Variants in ST6GALNAC5 observed in about 807,000 individuals in gnomAD.
The protein encoded by ST6GALNAC5 is alpha-N-acetylgalactosaminide alpha-2,6-sialyltransferase 5.
A neutral mutation model predicts 33.6 loss-of-function variants in ST6GALNAC5; 27 were observed. The ratio of observed to expected loss-of-function variants is 0.80; its 90% CI spans 0.59 to 1.11. The LOEUF is 1.11. Among genes scored for constraint, ST6GALNAC5 ranks in the 50% least tolerant of loss-of-function variants. The pLI is 0.00. For missense variants in ST6GALNAC5, 428 were observed against 454.0 expected, an observed-to-expected ratio of 0.94 and a Z score of 0.52; for synonymous variants, 194 against 171.2, an observed-to-expected ratio of 1.13 and a Z score of -1.04.
chr1:76,906,779 A>G (rs1019701111), intron 2 of ST6GALNAC5, among the ~76,000 whole-genome samples: 1 of 152,168 alleles, frequency 6.6e-6, no homozygotes, highest in Non-Finnish European at 1.5e-5. Context: ...CCTCCTGCAT[A>G]TCCAACTACT....
At chr1:77,059,486 C>T (rs1461564253) in intron 4 of ST6GALNAC5, among the ~76,000 whole-genome samples, 1 of 152,038 alleles carries the variant, frequency 6.6e-6, no homozygotes, top group Non-Finnish European at 1.5e-5. Context: ...AGAAGGATAC[C>T]ACAGAAGCCA....
chr1:76,928,882 A>G (rs1259727913), intron 2 of ST6GALNAC5, among the ~76,000 whole-genome samples: 1 of 152,084 alleles, frequency 6.6e-6, no homozygotes, highest in Non-Finnish European at 1.5e-5. Flanking sequence ...TGTCATCTGC[A>G]TTTCCTCCAG....
chr1:76,986,940 T>C (rs1474126617), intron 2 of ST6GALNAC5, among the ~76,000 whole-genome samples: 3 of 152,116 alleles, frequency 2.0e-5, no homozygotes, highest in Admixed American at 2.0e-4. Flanking sequence ...CACCACATGT[T>C]CTCACTCATA....
At chr1:76,908,126 C>T (rs534237901) in intron 2 of ST6GALNAC5, among the ~76,000 whole-genome samples, 49 of 152,216 alleles carry the variant, frequency 3.2e-4, no homozygotes, top group Non-Finnish European at 5.4e-4. Flanking sequence ...AAATTTCTCT[C>T]AGGTTCTTAT....
chr1:77,026,835 A>ATGAG (rs1651258229), intron 2 of ST6GALNAC5, among the ~76,000 whole-genome samples: 2 of 147,810 alleles, frequency 1.4e-5, no homozygotes, highest in African/African-American at 5.2e-5. Flanking sequence ...GAATGAATGA[A>ATGAG]TGAAAATGTG....
chr1:76,924,566 A>T (rs537694761), intron 2 of ST6GALNAC5, among the ~76,000 whole-genome samples: 5 of 152,286 alleles, frequency 3.3e-5, no homozygotes, highest in Admixed American at 6.5e-5. Context: ...CCTTTTCTCT[A>T]CAATGACAAC....
At chr1:76,876,171 A>C (rs1189177836) in intron 2 of ST6GALNAC5, among the ~76,000 whole-genome samples, 1 of 152,238 alleles carries the variant, frequency 6.6e-6, no homozygotes, top group Admixed American at 6.5e-5. Context: ...GAAGAGGTCC[A>C]ATATAATCAA....
At chr1:76,956,888 T>C (rs1009786967) in intron 2 of ST6GALNAC5, among the ~76,000 whole-genome samples, 1 of 152,186 alleles carries the variant, frequency 6.6e-6, no homozygotes, top group Non-Finnish European at 1.5e-5. Context: ...GTGAGGTCAC[T>C]GAGGGTCCGA....
chr1:76,975,625 T>C (rs1157627866), intron 2 of ST6GALNAC5, among the ~76,000 whole-genome samples: 1 of 152,220 alleles, frequency 6.6e-6, no homozygotes, highest in Non-Finnish European at 1.5e-5. Flanking sequence ...ATAAATCTTA[T>C]AACTTTGCAT....
intron 2 of ST6GALNAC5, among the ~76,000 whole-genome samples, chr1:76,932,945 T>C (rs974999271): frequency 6.6e-6 from 1 of 152,148 alleles, no homozygotes; most frequent in Non-Finnish European, 1.5e-5. Context: ...TTCTTCTTCC[T>C]GTTGGAAATA....
At chr1:77,014,713 C>T (rs929396001) in intron 2 of ST6GALNAC5, among the ~76,000 whole-genome samples, 3 of 152,126 alleles carry the variant, frequency 2.0e-5, no homozygotes, top group African/African-American at 7.2e-5. Context: ...TCTCCCAAGC[C>T]AACTGGCCTT....
At chr1:76,969,336 T>C (rs1450030257) in intron 2 of ST6GALNAC5, among the ~76,000 whole-genome samples, 5 of 152,302 alleles carry the variant, frequency 3.3e-5, no homozygotes, top group Non-Finnish European at 7.4e-5. Context: ...ATACTGTGCT[T>C]TTCCAATGGT....
intron 3 of ST6GALNAC5, among the ~76,000 whole-genome samples, chr1:77,044,844 T>C (rs976931344): frequency 6.6e-6 from 1 of 152,200 alleles, no homozygotes; most frequent in Non-Finnish European, 1.5e-5. Flanking sequence ...CAGGGCCTTA[T>C]TTTTGAGGAA....
In ST6GALNAC5 at chr1:76,868,401, C is replaced by T; in HGVS notation, c.16-96C>T. On this transcript the variant is annotated intron_variant, in intron 1 of 4. Coordinates refer to ENST00000477717, the MANE Select transcript of ST6GALNAC5 (RefSeq NM_030965.3). The surrounding 1 kb of genome is among the most constrained non-coding windows in gnomAD (Gnocchi z 4.3). ...GGCCCAGGCCGCCCCAAATCTCCCC[C>T]ACTAGAGTGACCACCGCACAGTTGT... is the stretch of plus-strand genomic sequence containing the variant. 2 of 1,487,722 alleles carry T rather than the reference C, an allele frequency of 1.3e-6. No homozygotes were observed. Among genetic ancestry groups the T allele is most frequent in the East Asian group, 2.5e-5 (1 of 40,740 alleles). 92.2% of individuals were successfully genotyped at this position (1,487,722 alleles called of 1,614,324 possible). A position where few individuals can be genotyped will look rare whatever the true frequency, so the allele number is the denominator to read the frequency against.
At chr1:76,932,747 C>A (rs1335973791) in intron 2 of ST6GALNAC5, among the ~76,000 whole-genome samples, 1 of 152,108 alleles carries the variant, frequency 6.6e-6, no homozygotes, top group Non-Finnish European at 1.5e-5. Context: ...CACATGCAGA[C>A]TTTGCTCATG....
At chr1:76,911,586 G>A (rs529535899) in intron 2 of ST6GALNAC5, among the ~76,000 whole-genome samples, 8 of 152,136 alleles carry the variant, frequency 5.3e-5, no homozygotes, top group African/African-American at 9.6e-5. Flanking sequence ...ACTCTTTTTG[G>A]TTGGTAAGCT....
chr1:77,035,892 C>A (rs1283490028), intron 2 of ST6GALNAC5, among the ~76,000 whole-genome samples: 1 of 152,116 alleles, frequency 6.6e-6, no homozygotes, highest in Non-Finnish European at 1.5e-5. Flanking sequence ...CCCAGTAATT[C>A]CCCTGCTAGA....
At chr1:77,005,149 G>C (rs917594819) in intron 2 of ST6GALNAC5, among the ~76,000 whole-genome samples, 1 of 152,232 alleles carries the variant, frequency 6.6e-6, no homozygotes, top group Non-Finnish European at 1.5e-5. Flanking sequence ...GCGAGACTCC[G>C]TGGGGTAGTA....
chr1:76,934,568 G>A (rs897890054), intron 2 of ST6GALNAC5, among the ~76,000 whole-genome samples: 1 of 152,040 alleles, frequency 6.6e-6, no homozygotes, highest in South Asian at 2.1e-4. Flanking sequence ...CCCGTTTTTG[G>A]TTATTGATAG....
Sources: allele counts gnomAD v4.1 joint callset (sites outside exome capture counted in the v4.1 genomes callset), GRCh38; gene constraint gnomAD v4.1.1; non-coding constraint Gnocchi (gnomAD v3.1); transcripts MANE v1.5; gene names NCBI Gene and HGNC (gene_info 2026-07-23, HGNC 2026-07-21).